Variants in PHC3 observed in about 807,000 individuals in gnomAD.
PHC3 encodes the protein polyhomeotic-like protein 3.
A neutral mutation model predicts 107.4 loss-of-function variants in PHC3; 13 were observed. That is an observed-to-expected ratio of 0.12 (90% CI 0.08 to 0.19). The LOEUF (loss-of-function observed/expected upper bound fraction) is 0.19, where lower values mean the gene tolerates loss of function less well. PHC3 is among the 10% of genes least tolerant of loss of function. The probability of loss-of-function intolerance (pLI) is 1.00; values close to 1 mark genes in which losing one functional copy is unlikely to be tolerated. For missense variants in PHC3, 992 were observed against 1,210.9 expected (o/e 0.82, Z 2.68); for synonymous variants, 456 against 427.4 (o/e 1.07, Z -0.83).
At chr3:170,122,794 A>G in intron 8 of PHC3, 50 bp from the exon 9 acceptor site, 1 of 1,577,142 alleles carries the variant, frequency 6.3e-7, no homozygotes. Flanking sequence ...ACTATATTTT[A>G]TCAGGTGTTC....
intron 7 of PHC3, among the ~76,000 whole-genome samples, chr3:170,135,248 TC>T (rs1206097914): frequency 6.6e-6 from 1 of 152,088 alleles, no homozygotes; most frequent in Non-Finnish European, 1.5e-5. Context: ...CCTCCTAGGT[TC>T]AAGTAACTCT....
chr3:170,155,877 A>G (rs1249115867), intron 4 of PHC3, among the ~76,000 whole-genome samples: 2 of 152,220 alleles, frequency 1.3e-5, no homozygotes, highest in African/African-American at 4.8e-5. Flanking sequence ...GTGTATATAT[A>G]TAATGCCTTC....
intron 5 of PHC3, among the ~76,000 whole-genome samples, chr3:170,146,621 C>G (rs1725006761): frequency 6.7e-6 from 1 of 148,488 alleles, no homozygotes; most frequent in Non-Finnish European, 1.5e-5. Flanking sequence ...CAACCTCTGC[C>G]TCCCGGGTTC....
chr3:170,148,087 G>T (rs1191224238), intron 5 of PHC3: 1 of 152,248 alleles, frequency 6.6e-6, no homozygotes, highest in Non-Finnish European at 1.5e-5. Flanking sequence ...AGGCCAAGAT[G>T]GTGAAACCCC....
intron 4 of PHC3, among the ~76,000 whole-genome samples, chr3:170,150,180 T>C (rs1725671069): frequency 6.6e-6 from 1 of 152,204 alleles, no homozygotes; most frequent in Non-Finnish European, 1.5e-5. Context: ...CAACAGTTTA[T>C]TCTGTCACAT....
At chr3:170,179,843 T>C (rs1033505305) in intron 1 of PHC3, among the ~76,000 whole-genome samples, 9 of 152,174 alleles carry the variant, frequency 5.9e-5, no homozygotes, top group African/African-American at 2.2e-4. Flanking sequence ...GCAGTAGTTT[T>C]TGTCGGGCCA....
At chr3:170,158,301 C>T (rs1727217933) in intron 4 of PHC3, among the ~76,000 whole-genome samples, 1 of 152,100 alleles carries the variant, frequency 6.6e-6, no homozygotes, top group Non-Finnish European at 1.5e-5. Flanking sequence ...GCGGGCCAGG[C>T]ATGGTGAGCC....
rs1169433925 is a variant in PHC3 at position 170,093,036 on chromosome 3, C to G, written c.*4194G>C. On this transcript the variant is annotated 3_prime_UTR_variant, in exon 15 of 15. Transcript: ENST00000495893. ...CTTTGTTCCTCCTACTTGTCTCCTC[C>G]TCTACTTCCCTATCCTTCCCCCTAG... The G allele has an allele frequency of 1.1e-4, 17 of 152,236 alleles. No homozygotes were observed. Among genetic ancestry groups the G allele is most frequent in the Admixed American group, 9.8e-4 (15 of 15,262 alleles). 9.4% of individuals were successfully genotyped at this position (152,236 alleles called of 1,614,324 possible). A position where few individuals can be genotyped will look rare whatever the true frequency, so the allele number is the denominator to read the frequency against.
rs1236704962 is a variant in PHC3, at chr3:170,088,782, T to TA, written c.*8447dup. ...TTGAAACCCAGATTATCTGGCTACT[T>TA]AGATGATAGTCTTCCTGTTTTCAAT... On this transcript the variant is annotated 3_prime_UTR_variant, in exon 15 of 15. Coordinates refer to ENST00000495893, the MANE Select transcript of PHC3 (RefSeq NM_024947.4). 6.6e-6 allele frequency: 1 copy of TA among 152,224 alleles called. No homozygotes were observed. The highest frequency in any genetic ancestry group is 2.4e-5 in the African/African-American group (1 of 41,446). The allele number at this position is 152,224 out of a possible 1,614,324, so 9.4% of individuals were successfully genotyped here.
At chr3:170,101,988 CTTGA>C (rs1560019177) in intron 14 of PHC3, among the ~76,000 whole-genome samples, 1 of 151,904 alleles carries the variant, frequency 6.6e-6, no homozygotes, top group Non-Finnish European at 1.5e-5. Context: ...AAAGGACTAG[CTTGA>C]TTTTTTCAAA....
At chr3:170,163,638 T>C (rs1249544392) in intron 4 of PHC3, among the ~76,000 whole-genome samples, 6 of 151,954 alleles carry the variant, frequency 3.9e-5, no homozygotes, top group African/African-American at 1.5e-4. Context: ...CGAAGCAGGC[T>C]GATCACCTGA....
At chr3:170,130,378 T>C (rs1043220491) in intron 7 of PHC3, among the ~76,000 whole-genome samples, 11 of 152,200 alleles carry the variant, frequency 7.2e-5, no homozygotes, top group Admixed American at 3.9e-4. Context: ...GTTTCCATTT[T>C]TGAGCTGAGA....
chr3:170,130,732 G>C (rs1206381870), intron 7 of PHC3, among the ~76,000 whole-genome samples: 1 of 152,158 alleles, frequency 6.6e-6, no homozygotes, highest in Non-Finnish European at 1.5e-5. Context: ...AAGTGGTAGG[G>C]AGCCCCCCAT....
At position 170,096,931 on chromosome 3, in the gene PHC3, C is replaced by T. The variant is rs1714706874; in HGVS notation, c.*299G>A. 4.7e-6 allele frequency: 1 copy of T among 211,412 alleles called. No homozygotes were observed. The highest frequency in any genetic ancestry group is 2.3e-5 in the African/African-American group (1 of 43,560). The allele number at this position is 211,412 out of a possible 1,614,324, so 13.1% of individuals were successfully genotyped here. A position where few individuals can be genotyped will look rare whatever the true frequency, so the allele number is the denominator to read the frequency against. ...TTCTTTATATTAATGATAAACATCA[C>T]CTTTAAAAAAATTATCTAGTATAAC... is the stretch of plus-strand genomic sequence containing the variant. On this transcript the variant is annotated 3_prime_UTR_variant, in exon 15 of 15. Coordinates refer to ENST00000495893, the MANE Select transcript of PHC3 (RefSeq NM_024947.4).
chr3:170,124,123 C>G (rs907778879), intron 8 of PHC3, among the ~76,000 whole-genome samples: 5 of 151,624 alleles, frequency 3.3e-5, no homozygotes, highest in African/African-American at 1.2e-4. Flanking sequence ...GCTGGGATTA[C>G]AGGCGTGAGC....
chr3:170,116,638 G>C (rs1560042656), intron 10 of PHC3, among the ~76,000 whole-genome samples: 3 of 151,836 alleles, frequency 2.0e-5, no homozygotes, highest in Admixed American at 1.3e-4. Flanking sequence ...CCCTTAAAAA[G>C]AAAAAATGAG....
At chr3:170,121,527 A>C (rs1021962927) in intron 9 of PHC3, among the ~76,000 whole-genome samples, 7 of 152,214 alleles carry the variant, frequency 4.6e-5, no homozygotes, top group Admixed American at 2.0e-4. Flanking sequence ...TGAATGGTTA[A>C]GCACAAGAAC....
In PHC3 at chr3:170,097,107, G is replaced by A. The variant is rs532207070; in HGVS notation, c.*123C>T. ...AAGAAATGTCAGTATTTGATGTGGAGATCCCAATGTGCTTGGCTATCCACC... is the reference window on the plus strand; with the variant it reads ...AAGAAATGTCAGTATTTGATGTGGAAATCCCAATGTGCTTGGCTATCCACC... On this transcript the variant is annotated 3_prime_UTR_variant, in exon 15 of 15. Transcript: ENST00000495893. This position sits in a 1 kb window ranked among gnomAD's most constrained non-coding sequence, Gnocchi z 4.1. 1 of 787,508 alleles carries A rather than the reference G, an allele frequency of 1.3e-6. No individual in the cohort carries two copies. Among genetic ancestry groups the A allele is most frequent in the South Asian group, 3.7e-5 (1 of 26,816 alleles). The allele number at this position is 787,508 out of a possible 1,614,324, so 48.8% of individuals were successfully genotyped here.
Position 170,102,693 on chromosome 3 carries a change from T to C in PHC3, c.2619A>G (p.Pro873=). ...GAGAAGCCAAGTCTTCTTCTGCAGATGGATAAGTAATTGGAAGCTGGAAAA... is the reference window on the plus strand; with the variant it reads ...GAGAAGCCAAGTCTTCTTCTGCAGACGGATAAGTAATTGGAAGCTGGAAAA... ...HILRQLPITY[P]SAEEDLASHE... The change falls in exon 14 of 15, where the codon CCA becomes CCG. Residue 873 remains proline (P), a synonymous_variant. Coordinates refer to ENST00000495893, the MANE Select transcript of PHC3 (RefSeq NM_024947.4). 6.2e-7 allele frequency: 1 copy of C among 1,613,956 alleles called. No homozygotes were observed. Among genetic ancestry groups the C allele is most frequent in the Admixed American group, 1.7e-5 (1 of 60,014 alleles).
Sources: allele counts gnomAD v4.1 joint callset (sites outside exome capture counted in the v4.1 genomes callset), GRCh38; gene constraint gnomAD v4.1.1; non-coding constraint Gnocchi (gnomAD v3.1); transcripts MANE v1.5; gene names NCBI Gene and HGNC (gene_info 2026-07-23, HGNC 2026-07-21).